CYYR1: variants seen among roughly 807,000 people sequenced by gnomAD.
The protein encoded by CYYR1 is cysteine and tyrosine-rich protein 1.
CYYR1 carries 14 observed loss-of-function variants against 15.2 expected under a neutral mutation model. The observed-to-expected ratio is 0.92, with a 90% CI of 0.61 to 1.44. The LOEUF is 1.44. Ranked by LOEUF, CYYR1 falls within the 40% of genes most tolerant of loss-of-function variation. The pLI is 0.00. For synonymous variants in CYYR1, 80 were observed against 77.4 expected (o/e 1.03, Z -0.18); for missense variants, 228 against 209.5 (o/e 1.09, Z -0.54).
chr21:26,521,021 G>C (rs1187331146), intron 2 of CYYR1, among the ~76,000 whole-genome samples: 1 of 152,114 alleles, frequency 6.6e-6, no homozygotes, highest in African/African-American at 2.4e-5. Flanking sequence ...AACACATACT[G>C]GGTCCCGTCA....
rs1293842235 is a variant in CYYR1 at position 26,468,616 on chromosome 21, C to T, written c.353G>A (p.Gly118Asp). 9.3e-6 allele frequency: 15 copies of T among 1,608,498 alleles called. No homozygotes were observed. Among genetic ancestry groups the T allele is most frequent in the Non-Finnish European group, 1.3e-5 (15 of 1,177,158 alleles). The change falls in exon 4 of 4, where the codon GGT (glycine) becomes GAT (aspartate). Residue 118 changes from glycine to aspartate, a missense_variant. Gly to Asp is a moderately conservative substitution (Grantham distance 94, BLOSUM62 -1). Coordinates refer to ENST00000652641, the MANE Select transcript of CYYR1 (RefSeq NM_001320768.2). ...ACAGTATTCCATCTCGTGGTCGTGA[C>T]CGTAGGGTGGTGGTCCTGCTGAAAA... Reference protein sequence around the residue: ...SSYPAGPPPYGHDHEMEYCAD... With the variant: ...SSYPAGPPPYDHDHEMEYCAD...
At chr21:26,513,237 C>T (rs548234668) in intron 2 of CYYR1, among the ~76,000 whole-genome samples, 17 of 152,276 alleles carry the variant, frequency 1.1e-4, no homozygotes, top group South Asian at 6.2e-4. Flanking sequence ...CTGCCTTGTA[C>T]GATCCTTAGT....
At chr21:26,560,886 T>C (rs752150212) in intron 2 of CYYR1, among the ~76,000 whole-genome samples, 1 of 152,162 alleles carries the variant, frequency 6.6e-6, no homozygotes, top group Non-Finnish European at 1.5e-5. Context: ...TGTAGATCAC[T>C]AAAAACTGTA....
At chr21:26,564,718 T>C in intron 2 of CYYR1, 1 of 1,206,446 alleles carries the variant, frequency 8.3e-7, no homozygotes, top group Non-Finnish European at 1.1e-6. Flanking sequence ...ATGATATAGT[T>C]AGTGAATCAA....
chr21:26,492,780 T>A (rs566099183), intron 2 of CYYR1, among the ~76,000 whole-genome samples: 1 of 152,038 alleles, frequency 6.6e-6, no homozygotes, highest in East Asian at 1.9e-4. Context: ...ATTTTAAATA[T>A]CTCTAGCCTA....
intron 2 of CYYR1, among the ~76,000 whole-genome samples, chr21:26,562,773 A>AAC (rs1376246094): frequency 9.3e-5 from 10 of 107,020 alleles, no homozygotes; most frequent in Admixed American, 2.6e-4. Flanking sequence ...GACATACACA[A>AAC]ACACACACAC....
At chr21:26,539,915 A>G (rs1473771646) in intron 2 of CYYR1, among the ~76,000 whole-genome samples, 1 of 152,194 alleles carries the variant, frequency 6.6e-6, no homozygotes, top group African/African-American at 2.4e-5. Context: ...TTGGGTTCGC[A>G]TCTTTTTCCC....
At chr21:26,501,024 T>A (rs993817362) in intron 2 of CYYR1, among the ~76,000 whole-genome samples, 6 of 152,092 alleles carry the variant, frequency 3.9e-5, no homozygotes, top group African/African-American at 1.2e-4. Context: ...GAAATCCTAG[T>A]GAGTGACTTA....
At chr21:26,532,146 A>G (rs222941) in intron 2 of CYYR1, among the ~76,000 whole-genome samples, 116,311 of 152,104 alleles carry the variant, frequency 0.76, 45,066 homozygotes, top group South Asian at 0.89. Context: ...GGTGAATATC[A>G]AAGACATTTT....
Position 26,468,627 on chromosome 21 carries a change from T to C in CYYR1, c.342A>G (p.Pro114=). Residue 114 remains proline, a synonymous_variant, in exon 4 of 4, where the codon CCA becomes CCG. Coordinates refer to ENST00000652641, the MANE Select transcript of CYYR1 (RefSeq NM_001320768.2). ...INTVSSYPAG[P]PPYGHDHEME... is the part of the protein sequence containing the mutation. ...TCTCGTGGTCGTGACCGTAGGGTGG[T>C]GGTCCTGCTGAAAAAGAAGGGGAAG... The C allele has an allele frequency of 6.3e-7, 1 of 1,599,662 alleles. No homozygotes were observed.
At chr21:26,475,069 C>A (rs1364553825) in intron 3 of CYYR1, among the ~76,000 whole-genome samples, 2 of 152,168 alleles carry the variant, frequency 1.3e-5, no homozygotes, top group East Asian at 3.8e-4. Flanking sequence ...AAGAAAAATG[C>A]ACAATGATGC....
intron 2 of CYYR1, among the ~76,000 whole-genome samples, chr21:26,529,337 A>T (rs943715038): frequency 6.6e-6 from 1 of 152,136 alleles, no homozygotes; most frequent in Non-Finnish European, 1.5e-5. Flanking sequence ...CATTTCTGAT[A>T]AACTGGCTAT....
At chr21:26,540,063 G>A (rs1164865244) in intron 2 of CYYR1, among the ~76,000 whole-genome samples, 1 of 152,138 alleles carries the variant, frequency 6.6e-6, no homozygotes. Flanking sequence ...ACTTTTCTCA[G>A]ACTCTCTCTA....
intron 2 of CYYR1, among the ~76,000 whole-genome samples, chr21:26,565,856 A>G (rs1336923443): frequency 6.6e-6 from 1 of 152,194 alleles, no homozygotes; most frequent in Non-Finnish European, 1.5e-5. Context: ...CATCTACTGG[A>G]TGTATTAAAT....
chr21:26,504,230 A>ATTTT (rs1313940921), intron 2 of CYYR1, among the ~76,000 whole-genome samples: 2 of 151,712 alleles, frequency 1.3e-5, no homozygotes, highest in African/African-American at 4.8e-5. Flanking sequence ...TGATGTATTT[A>ATTTT]TTTATTTATT....
At chr21:26,515,284 C>T (rs2065710768) in intron 2 of CYYR1, among the ~76,000 whole-genome samples, 1 of 152,212 alleles carries the variant, frequency 6.6e-6, no homozygotes, top group East Asian at 1.9e-4. Context: ...CCAGTCAACT[C>T]CTGTACACCT....
chr21:26,550,425 T>G (rs1234126290), intron 2 of CYYR1: 1 of 152,168 alleles, frequency 6.6e-6, no homozygotes, highest in East Asian at 1.9e-4. Flanking sequence ...GGTTTCTCAC[T>G]TGAAATCAAA....
intron 2 of CYYR1, among the ~76,000 whole-genome samples, chr21:26,513,790 C>G (rs2065683186): frequency 1.3e-5 from 2 of 151,856 alleles, no homozygotes; most frequent in African/African-American, 4.8e-5. Flanking sequence ...AAAAACCATG[C>G]ATGCTCAGCA....
At chr21:26,481,389 C>T (rs2065178078) in intron 2 of CYYR1, among the ~76,000 whole-genome samples, 2 of 152,034 alleles carry the variant, frequency 1.3e-5, no homozygotes, top group African/African-American at 4.8e-5. Flanking sequence ...GAAAAGGAAT[C>T]TTACATATTG....
Sources: gnomAD v4.1 joint callset for allele counts (sites outside exome capture counted in the v4.1 genomes callset) on GRCh38, gnomAD v4.1.1 for gene constraint, MANE v1.5 for transcripts, NCBI Gene and HGNC (gene_info 2026-07-23, HGNC 2026-07-21) for gene names.